MMD: variants seen among roughly 807,000 people sequenced by gnomAD.
MMD encodes the protein monocyte to macrophage differentiation associated, also known as monocyte to macrophage differentiation factor.
In MMD, 22 loss-of-function variants were observed where a neutral mutation model predicts 33.6. That is an observed-to-expected ratio of 0.66 (90% CI 0.47 to 0.94). The LOEUF (loss-of-function observed/expected upper bound fraction) is 0.94. Among genes scored for constraint, MMD ranks in the 40% least tolerant of loss-of-function variants. The probability of loss-of-function intolerance (pLI) is 0.00; values close to 1 mark genes in which losing one functional copy is unlikely to be tolerated. For missense variants in MMD, 242 were observed against 309.8 expected (o/e 0.78, Z 1.64); for synonymous variants, 97 against 103.2 (o/e 0.94, Z 0.36).
chr17:55,421,747 C>A lies in MMD; in HGVS notation c.-52G>T. ...AGGAGCTCCGTCTCGTCAGCACCGGCGGCCGGGCGCGCGGCCCTCATGGGC... is the reference window on the plus strand; with the variant it reads ...AGGAGCTCCGTCTCGTCAGCACCGGAGGCCGGGCGCGCGGCCCTCATGGGC... On this transcript the variant is annotated 5_prime_UTR_variant, in exon 1 of 7. Transcript: ENST00000262065. 6.4e-7 allele frequency: 1 copy of A among 1,556,770 alleles called. No individual in the cohort carries two copies. The highest frequency in any genetic ancestry group is 8.7e-7 in the Non-Finnish European group (1 of 1,155,772).
At chr17:55,404,751 A>G (rs1453943910) in intron 4 of MMD, 1 of 985,202 alleles carries the variant, frequency 1.0e-6, no homozygotes, top group Non-Finnish European at 1.2e-6. Context: ...ATTCATTTGT[A>G]CTAATTTCAT....
chr17:55,411,244 T>C lies in MMD; in HGVS notation c.269+13A>G, dbSNP rs2143148235. The C allele has an allele frequency of 6.2e-7, 1 of 1,608,376 alleles. No individual in the cohort carries two copies. Among genetic ancestry groups the C allele is most frequent in the Non-Finnish European group, 8.5e-7 (1 of 1,177,486 alleles). Reference sequence around the variant, plus strand: ...TATTTGGATCTGTTGAAACAGCATGTCATCCACTGTACCTTAAGTGGCTCT... The same window carrying C: ...TATTTGGATCTGTTGAAACAGCATGCCATCCACTGTACCTTAAGTGGCTCT... On this transcript the variant is annotated intron_variant, in intron 3 of 6. Transcript: ENST00000262065.
intron 6 of MMD, among the ~76,000 whole-genome samples, chr17:55,398,387 G>C (rs565977952): frequency 2.0e-5 from 3 of 151,496 alleles, no homozygotes; most frequent in Non-Finnish European, 4.4e-5. Context: ...TAGTCTCCAG[G>C]TATTTTCTGA....
At chr17:55,398,823 T>C (rs1246032343) in intron 6 of MMD, among the ~76,000 whole-genome samples, 2 of 152,174 alleles carry the variant, frequency 1.3e-5, no homozygotes, top group Non-Finnish European at 2.9e-5. Flanking sequence ...TCCAGCACCA[T>C]CTCTGAACTC....
At chr17:55,408,568 A>G (rs1671353855) in intron 3 of MMD, among the ~76,000 whole-genome samples, 1 of 152,230 alleles carries the variant, frequency 6.6e-6, no homozygotes, top group Admixed American at 6.5e-5. Flanking sequence ...CAAATTTGTA[A>G]TATCATCTTG....
chr17:55,411,647 A>C (rs1907767390), intron 2 of MMD, among the ~76,000 whole-genome samples: 1 of 152,224 alleles, frequency 6.6e-6, no homozygotes, highest in Admixed American at 6.5e-5. Context: ...TGGGGATACA[A>C]TTAAGCCATC....
rs140582906 is a variant in MMD, at chr17:55,408,654, C to T, written c.270-834G>A. On this transcript the variant is annotated intron_variant, in intron 3 of 6. Coordinates refer to ENST00000262065, the MANE Select transcript of MMD (RefSeq NM_012329.3). ...AGTATTAGACTTTCCTCCCCCTACA[C>T]GTAACATTGACCAAAGCAAATAATA... 2.7e-3 allele frequency among the ~76,000 whole-genome samples: 414 copies of T among 152,272 alleles called. 1 individual carries two copies. The highest frequency in any genetic ancestry group is 9.4e-3 in the African/African-American group (391 of 41,560).
chr17:55,405,379 G>GAAAAAA (rs10554664), intron 4 of MMD, among the ~76,000 whole-genome samples: 1 of 114,926 alleles, frequency 8.7e-6, no homozygotes, highest in Non-Finnish European at 1.7e-5. Context: ...CCGTCTCAAA[G>GAAAAAA]AAAAAAAAAA....
intron 1 of MMD, among the ~76,000 whole-genome samples, chr17:55,417,635 A>G (rs530346581): frequency 3.4e-4 from 51 of 152,084 alleles, no homozygotes; most frequent in African/African-American, 1.1e-3. Flanking sequence ...TACACACAAA[A>G]AAAAATGTAA....
chr17:55,402,033 G>A (rs1290508718), intron 5 of MMD, among the ~76,000 whole-genome samples: 2 of 144,502 alleles, frequency 1.4e-5, no homozygotes, highest in African/African-American at 2.6e-5. Flanking sequence ...GCAGTGAGCC[G>A]AGATCGCACC....
intron 4 of MMD, among the ~76,000 whole-genome samples, chr17:55,404,290 G>A (rs1346248150): frequency 6.6e-6 from 1 of 152,056 alleles, no homozygotes; most frequent in Non-Finnish European, 1.5e-5. Flanking sequence ...GGGAGGCAGA[G>A]GTTGCAGTGA....
At chr17:55,415,813 T>C (rs1326824286) in intron 1 of MMD, among the ~76,000 whole-genome samples, 3 of 152,214 alleles carry the variant, frequency 2.0e-5, no homozygotes, top group Admixed American at 6.5e-5. Context: ...ATCTACCAGA[T>C]GGTTTGAAAA....
intron 3 of MMD, 75 bp from the exon 4 acceptor site, chr17:55,407,895 T>A: frequency 9.7e-7 from 1 of 1,027,342 alleles, no homozygotes; most frequent in Non-Finnish European, 1.4e-6. Flanking sequence ...CTCCACTATG[T>A]TGCAATTTCC....
chr17:55,405,960 C>T (rs1249878968), intron 4 of MMD, among the ~76,000 whole-genome samples: 1 of 152,100 alleles, frequency 6.6e-6, no homozygotes, highest in East Asian at 1.9e-4. Flanking sequence ...TTGATCAGCA[C>T]CAAAAAGGCA....
At chr17:55,394,694 T>C (rs1907036870) in intron 6 of MMD, among the ~76,000 whole-genome samples, 160 bp from the exon 7 acceptor site, 1 of 152,146 alleles carries the variant, frequency 6.6e-6, no homozygotes, top group Non-Finnish European at 1.5e-5. Context: ...ATAAAAAAAG[T>C]CTCTTATACA....
intron 3 of MMD, 85 bp downstream of exon 3, chr17:55,411,172 G>T: frequency 1.4e-6 from 2 of 1,451,058 alleles, no homozygotes; most frequent in Non-Finnish European, 1.9e-6. Flanking sequence ...TGCCCTACTT[G>T]ACTAAAGCAT....
At chr17:55,410,823 G>A (rs1362488255) in intron 3 of MMD, among the ~76,000 whole-genome samples, 1 of 152,178 alleles carries the variant, frequency 6.6e-6, no homozygotes, top group Non-Finnish European at 1.5e-5. Flanking sequence ...TACAGATACT[G>A]AGGCTCCACA....
intron 4 of MMD, among the ~76,000 whole-genome samples, chr17:55,406,314 A>C (rs1907541888): frequency 6.6e-6 from 1 of 151,902 alleles, no homozygotes; most frequent in African/African-American, 2.4e-5. Flanking sequence ...GAATCACTTG[A>C]AACTGGGAGG....
chr17:55,412,767 TGA>T (rs1907813815), intron 2 of MMD, among the ~76,000 whole-genome samples: 1 of 152,156 alleles, frequency 6.6e-6, no homozygotes, highest in Admixed American at 6.5e-5. Flanking sequence ...ACTGTAGGGG[TGA>T]GAGTCTATGG....
Sources: gnomAD v4.1 joint callset for allele counts (sites outside exome capture counted in the v4.1 genomes callset) on GRCh38, gnomAD v4.1.1 for gene constraint, MANE v1.5 for transcripts, NCBI Gene and HGNC (gene_info 2026-07-23, HGNC 2026-07-21) for gene names.